The following DNAH12 variants were observed in gnomAD, a reference collection of about 807,000 sequenced individuals.
The protein encoded by DNAH12 is axonemal beta dynein heavy chain 12.
In DNAH12, 285 loss-of-function variants were observed where a neutral mutation model predicts 371.5. The ratio of observed to expected loss-of-function variants is 0.77; its 90% CI spans 0.70 to 0.85. The LOEUF is 0.85. Among genes scored for constraint, DNAH12 ranks in the 40% least tolerant of loss-of-function variants. The probability of loss-of-function intolerance (pLI) is 0.00; values close to 1 mark genes in which losing one functional copy is unlikely to be tolerated. For synonymous variants in DNAH12, 1,200 were observed against 1,213.0 expected (o/e 0.99, Z 0.22); for missense variants, 3,611 against 3,689.4 (o/e 0.98, Z 0.55).
At chr3:57,471,650 A>G in intron 14 of DNAH12, 44 bp from the exon 15 acceptor site, 1 of 1,456,142 alleles carries the variant, frequency 6.9e-7, no homozygotes, top group East Asian at 2.6e-5. Context: ...TCTGTAACAA[A>G]GAATTATCAA....
intron 32 of DNAH12, among the ~76,000 whole-genome samples, chr3:57,430,621 C>A (rs139706219): frequency 1.4e-4 from 21 of 152,284 alleles, no homozygotes; most frequent in African/African-American, 4.6e-4. Flanking sequence ...TCTCCTCAAT[C>A]TCTTTGGCTT....
intron 60 of DNAH12, among the ~76,000 whole-genome samples, chr3:57,340,607 A>G (rs931450563): frequency 1.4e-4 from 21 of 152,224 alleles, no homozygotes; most frequent in Non-Finnish European, 4.4e-5. Context: ...CCAAGGAGAA[A>G]TAGAAAACCT....
intron 56 of DNAH12, among the ~76,000 whole-genome samples, chr3:57,367,678 G>C (rs2063080733): frequency 6.6e-6 from 1 of 152,114 alleles, no homozygotes; most frequent in Non-Finnish European, 1.5e-5. Flanking sequence ...AGCACTTTGG[G>C]AGGCTGAGGG....
At chr3:57,457,499 T>C (rs925426223) in intron 22 of DNAH12, among the ~76,000 whole-genome samples, 1 of 152,198 alleles carries the variant, frequency 6.6e-6, no homozygotes, top group African/African-American at 2.4e-5. Context: ...TATATACCTC[T>C]TATTTTTCTC....
intron 32 of DNAH12, among the ~76,000 whole-genome samples, chr3:57,431,887 C>G (rs893483227): frequency 1.1e-4 from 16 of 152,162 alleles, no homozygotes. Flanking sequence ...CAAGGCCCAT[C>G]ACTTCACGAA....
chr3:57,511,182 G>T lies in DNAH12; in HGVS notation c.280-203C>A, dbSNP rs184233677. 7.5e-4 allele frequency among the ~76,000 whole-genome samples: 114 copies of T among 152,124 alleles called. No individual in the cohort carries two copies. The Middle Eastern group carries it at 0.031, about 41-fold the overall frequency. On this transcript the variant is annotated intron_variant, in intron 4 of 73. Transcript: ENST00000495027. Reference sequence around the variant, plus strand: ...TTTTCTTTATTTATGATGAATTCTTGCCAAATTAATATTCTTAGTATGGTT... The same window carrying T: ...TTTTCTTTATTTATGATGAATTCTTTCCAAATTAATATTCTTAGTATGGTT...
chr3:57,391,609 A>G (rs1221615171), intron 45 of DNAH12, among the ~76,000 whole-genome samples: 1 of 152,196 alleles, frequency 6.6e-6, no homozygotes, highest in African/African-American at 2.4e-5. Context: ...GCCTTCGTAT[A>G]TATACCCTTT....
rs144894472 is a variant in DNAH12 at position 57,330,464 on chromosome 3, C to G, written c.9978+4001G>C. On this transcript the variant is annotated intron_variant, in intron 62 of 73. Coordinates refer to ENST00000495027, the MANE Select transcript of DNAH12 (RefSeq NM_001366028.2). ...CATTCTCAGCAAACAATTGCAAGGA[C>G]AAAAAACCAAACACTGCATATTCTC... Among the ~76,000 whole-genome samples the G allele has an allele frequency of 2.2e-4, 33 of 149,760 alleles. No homozygotes were observed. In the East Asian group the frequency reaches 6.3e-3, roughly 29 times the overall value.
chr3:57,474,453 C>T (rs758548601), intron 13 of DNAH12, among the ~76,000 whole-genome samples: 84 of 152,140 alleles, frequency 5.5e-4, no homozygotes, highest in Non-Finnish European at 1.0e-3. Context: ...TGTGCCACCA[C>T]GCCCAGCTAA....
Position 57,458,019 on chromosome 3 carries a change from CA to C in DNAH12, c.3054-17del, listed in dbSNP as rs769244533. The C allele has an allele frequency of 6.5e-7, 1 of 1,541,952 alleles. No individual in the cohort carries two copies. The highest frequency in any genetic ancestry group is 8.8e-7 in the Non-Finnish European group (1 of 1,142,676). ...GAAGAAAAAACTAGGGAAAAACATG[CA>C]AATACAAAAGTTTTAGTTATAATTC... is the stretch of plus-strand genomic sequence containing the variant. On this transcript the variant is annotated splice_polypyrimidine_tract_variant and intron_variant, in intron 21 of 73. Transcript: ENST00000495027.
intron 13 of DNAH12, among the ~76,000 whole-genome samples, chr3:57,474,305 T>A (rs1052681875): frequency 1.2e-4 from 18 of 151,822 alleles, no homozygotes; most frequent in African/African-American, 3.4e-4. Flanking sequence ...AAGTTAAAAA[T>A]TTTTTTTTGA....
At chr3:57,435,373 C>CAAAAAAAAAAA (rs34515598) in intron 30 of DNAH12, among the ~76,000 whole-genome samples, 30 of 94,730 alleles carry the variant, frequency 3.2e-4, no homozygotes, top group Non-Finnish European at 5.4e-4. Flanking sequence ...CTCTGTCTCC[C>CAAAAAAAAAAA]AAAAAAAAAA....
chr3:57,296,712 G>C, intron 71 of DNAH12, 135 bp downstream of exon 71: 1 of 1,107,960 alleles, frequency 9.0e-7, no homozygotes. Flanking sequence ...AAAGTTCTAA[G>C]GGATAGCAAG....
intron 8 of DNAH12, among the ~76,000 whole-genome samples, chr3:57,506,755 C>G (rs1348320071): frequency 6.6e-6 from 1 of 151,904 alleles, no homozygotes; most frequent in African/African-American, 2.4e-5. Context: ...GGGTGATTTT[C>G]TTTCCTGGAG....
upstream of DNAH12, among the ~76,000 whole-genome samples, chr3:57,545,828 C>T (rs1212458075): frequency 6.6e-6 from 1 of 152,152 alleles, no homozygotes; most frequent in Non-Finnish European, 1.5e-5. Context: ...GCACAGACCT[C>T]CTCCTCACTC....
intron 62 of DNAH12, among the ~76,000 whole-genome samples, chr3:57,329,969 C>T (rs1169085048): frequency 2.0e-5 from 3 of 151,456 alleles, no homozygotes; most frequent in African/African-American, 7.3e-5. Context: ...AAAATGCTCA[C>T]CATCACTGGC....
chr3:57,301,592 A>G (rs1052952678), intron 70 of DNAH12, 143 bp downstream of exon 70: 1 of 909,144 alleles, frequency 1.1e-6, no homozygotes. Flanking sequence ...AAGTGACCAC[A>G]GCCAACAACT....
intron 60 of DNAH12, among the ~76,000 whole-genome samples, chr3:57,351,183 C>T (rs529771141): frequency 2.6e-5 from 4 of 151,952 alleles, no homozygotes; most frequent in South Asian, 2.1e-4. Context: ...GCAGGAGAAT[C>T]GCTTGAACCC....
chr3:57,508,076 A>G (rs1041717401), intron 7 of DNAH12, among the ~76,000 whole-genome samples: 4 of 151,582 alleles, frequency 2.6e-5, no homozygotes, highest in Non-Finnish European at 5.9e-5. Flanking sequence ...AATCCCAGCT[A>G]CTCGGAAGGC....
Sources: allele counts gnomAD v4.1 joint callset (sites outside exome capture counted in the v4.1 genomes callset), GRCh38; gene constraint gnomAD v4.1.1; transcripts MANE v1.5; gene names NCBI Gene and HGNC (gene_info 2026-07-23, HGNC 2026-07-21).